Variants in BRD7 observed in about 807,000 individuals in gnomAD.
BRD7 encodes the protein bromodomain-containing protein 7.
Under a neutral mutation model 82.1 loss-of-function variants are expected in BRD7, and 15 were observed. The observed-to-expected ratio is 0.18, with a 90% CI of 0.12 to 0.28. The LOEUF is 0.28. Ranked by LOEUF, BRD7 falls within the 10% of genes least tolerant of loss-of-function variation. BRD7 has a pLI of 1.00. For missense variants in BRD7, 638 were observed against 779.9 expected (o/e 0.82, Z 2.17); for synonymous variants, 232 against 266.9 (o/e 0.87, Z 1.27).
intron 2 of BRD7, among the ~76,000 whole-genome samples, chr16:50,356,897 T>A (rs1474534628): frequency 6.6e-6 from 1 of 152,214 alleles, no homozygotes; most frequent in East Asian, 1.9e-4. Flanking sequence ...TTTATGCTCA[T>A]CAAAATCAAG....
rs377486324 is a variant in BRD7 at position 50,321,241 on chromosome 16, T to C, written c.1501-467A>G. Among the ~76,000 whole-genome samples the C allele has an allele frequency of 8.5e-5, 13 of 152,252 alleles. No homozygotes were observed. In the East Asian group the frequency reaches 2.3e-3, roughly 27 times the overall value. ...AGGCCTCCAAACTAGGCTGTCAGTA[T>C]TGCATGAGAGAAACAAAATCTTAAA... On this transcript the variant is annotated intron_variant, in intron 13 of 16. Transcript: ENST00000394688.
chr16:50,352,977 C>T (rs999118103), intron 4 of BRD7, among the ~76,000 whole-genome samples: 3 of 151,824 alleles, frequency 2.0e-5, no homozygotes, highest in East Asian at 3.9e-4. Flanking sequence ...TCACTCCTTT[C>T]GGACAAGTAG....
chr16:50,368,730 G>A lies in BRD7; in HGVS notation c.45C>T (p.Tyr15=), dbSNP rs1381675080. 5 of 1,556,684 alleles carry A rather than the reference G, an allele frequency of 3.2e-6. No homozygotes were observed. Among genetic ancestry groups the A allele is most frequent in the South Asian group, 1.1e-5 (1 of 87,008 alleles). Reference sequence around the variant, plus strand: ...GCACCCCGGCCCCCTCCTCACCCTCGTAGAGGTGTTTGTCCGACTTGTGCT... The same window carrying A: ...GCACCCCGGCCCCCTCCTCACCCTCATAGAGGTGTTTGTCCGACTTGTGCT... ...HKKHKSDKHL[Y]EEYVEKPLKL... The change falls in exon 1 of 17, where the codon TAC becomes TAT. Residue 15 remains tyrosine, a synonymous_variant. Coordinates refer to ENST00000394688, the MANE Select transcript of BRD7 (RefSeq NM_013263.5).
intron 12 of BRD7, 47 bp from the exon 13 acceptor site, chr16:50,322,085 G>A (rs7184802): frequency 0.21 from 294,595 of 1,433,396 alleles, 32,759 homozygotes; most frequent in East Asian, 0.35. Flanking sequence ...ACATGAAGGC[G>A]AATATCAAGG....
Position 50,319,137 on chromosome 16 carries a change from T to C in BRD7, c.*74A>G, listed in dbSNP as rs2151125679. ...AAAAACACAATTTACAAATATTTAA[T>C]ATCTTCTGAAAAGCATTTCTAAGTT... On this transcript the variant is annotated 3_prime_UTR_variant, in exon 17 of 17. Transcript: ENST00000394688. 1 of 1,308,108 alleles carries C rather than the reference T, an allele frequency of 7.6e-7. No individual in the cohort carries two copies. Among genetic ancestry groups the C allele is most frequent in the Non-Finnish European group, 1.1e-6 (1 of 934,808 alleles). The allele number at this position is 1,308,108 out of a possible 1,614,324, so 81.0% of individuals were successfully genotyped here. A position where few individuals can be genotyped will look rare whatever the true frequency, so the allele number is the denominator to read the frequency against.
In BRD7 at chr16:50,319,819, G is replaced by A. The variant is rs2037005578; in HGVS notation, c.1900+68C>T. On this transcript the variant is annotated intron_variant, in intron 16 of 16. Transcript: ENST00000394688. ...ATCCGAGGTCCTGATACCAATCTCG[G>A]GCAGACACTGAGGGATGACTATAGT... 11 of 1,544,486 alleles carry A rather than the reference G, an allele frequency of 7.1e-6. 1 individual carries two copies. In the South Asian group the frequency reaches 9.9e-5, roughly 14 times the overall value.
In BRD7 at chr16:50,350,419, C is replaced by G. The variant is rs569096775; in HGVS notation, c.447-252G>C. Reference sequence around the variant, plus strand: ...TTAAAATACACAGCCTCATTAACAGCTACACTTATACAGGAAAACATGAAG... The same window carrying G: ...TTAAAATACACAGCCTCATTAACAGGTACACTTATACAGGAAAACATGAAG... On this transcript the variant is annotated intron_variant, in intron 4 of 16. Coordinates refer to ENST00000394688, the MANE Select transcript of BRD7 (RefSeq NM_013263.5). 2.2e-4 allele frequency among the ~76,000 whole-genome samples: 34 copies of G among 152,288 alleles called. No individual in the cohort carries two copies. In the South Asian group the frequency reaches 7.0e-3, roughly 32 times the overall value.
intron 11 of BRD7, among the ~76,000 whole-genome samples, chr16:50,324,620 G>C (rs1324018464): frequency 1.3e-5 from 2 of 152,186 alleles, no homozygotes; most frequent in East Asian, 1.9e-4. Context: ...CGTTCTTTCA[G>C]GTAGCAGCCT....
At chr16:50,327,281 C>T (rs1267369743) in intron 9 of BRD7, among the ~76,000 whole-genome samples, 1 of 152,166 alleles carries the variant, frequency 6.6e-6, no homozygotes, top group Non-Finnish European at 1.5e-5. Context: ...GATTAGGTCT[C>T]AGAAACTGGA....
chr16:50,363,639 GTT>G (rs375525112), intron 2 of BRD7, among the ~76,000 whole-genome samples: 68 of 63,940 alleles, frequency 1.1e-3, no homozygotes, highest in African/African-American at 3.7e-3. Context: ...TACGTTGTGT[GTT>G]TGTGTGTGTG....
In BRD7 at chr16:50,368,207, G is replaced by A; in HGVS notation, c.141C>T (p.Ser47=). The A allele has an allele frequency of 1.9e-6, 3 of 1,614,206 alleles. No homozygotes were observed. The part of the protein sequence containing the change: ...LSTGSSGHDS[S]LFEDKNDHDK... Reference sequence around the variant, plus strand: ...CATGATCGTTTTTGTCTTCGAAGAGGCTGGAGTCGTGCCCCGAGCTGCCCG... The same window carrying A: ...CATGATCGTTTTTGTCTTCGAAGAGACTGGAGTCGTGCCCCGAGCTGCCCG... The change falls in exon 2 of 17, where the codon AGC becomes AGT. Residue 47 remains serine, a synonymous_variant. Coordinates refer to ENST00000394688, the MANE Select transcript of BRD7 (RefSeq NM_013263.5).
At chr16:50,343,626 G>A (rs1036581489) in intron 5 of BRD7, among the ~76,000 whole-genome samples, 1 of 152,328 alleles carries the variant, frequency 6.6e-6, no homozygotes. Context: ...CTTTTCCAAT[G>A]GTCTTTGCAA....
At chr16:50,348,902 C>G (rs1294209008) in intron 5 of BRD7, 1 of 152,226 alleles carries the variant, frequency 6.6e-6, no homozygotes, top group African/African-American at 2.4e-5. Context: ...AATCCCATTA[C>G]TGGGTATATA....
intron 8 of BRD7, among the ~76,000 whole-genome samples, chr16:50,328,985 C>T (rs576793645): frequency 8.5e-5 from 13 of 152,298 alleles, no homozygotes; most frequent in African/African-American, 2.9e-4. Context: ...TTTGTGCACC[C>T]GTCACATGAG....
intron 8 of BRD7, among the ~76,000 whole-genome samples, chr16:50,330,001 G>A (rs967193021): frequency 6.6e-6 from 1 of 152,110 alleles, no homozygotes. Flanking sequence ...GGACCTAAAG[G>A]AATTTCTGGC....
chr16:50,345,105 G>A (rs2151179227), intron 5 of BRD7, among the ~76,000 whole-genome samples: 1 of 152,294 alleles, frequency 6.6e-6, no homozygotes, highest in Admixed American at 6.5e-5. Flanking sequence ...GAGAGTGGGA[G>A]CCAATATTCA....
Position 50,354,460 on chromosome 16 carries a change from T to C in BRD7, c.411A>G (p.Gln137=), listed in dbSNP as rs2038655967. 1 of 1,612,288 alleles carries C rather than the reference T, an allele frequency of 6.2e-7. No individual in the cohort carries two copies. The highest frequency in any genetic ancestry group is 8.5e-7 in the Non-Finnish European group (1 of 1,179,366). Residue 137 remains glutamine (Q), a synonymous_variant, in exon 4 of 17, where the codon CAA becomes CAG. Coordinates refer to ENST00000394688, the MANE Select transcript of BRD7 (RefSeq NM_013263.5). Reference sequence around the variant, plus strand: ...GTCTCATCAGTTGATTCAAAGCTTCTTGAAGGGGTGTCTGTTCTACTTCTA... The same window carrying C: ...GTCTCATCAGTTGATTCAAAGCTTCCTGAAGGGGTGTCTGTTCTACTTCTA... ...KQEEVEQTPL[Q]EALNQLMRQL... is the part of the protein sequence containing the mutation.
rs1287708432 is a variant in BRD7, at chr16:50,335,311, G to C, written c.703-416C>G. Among the ~76,000 whole-genome samples, 4 of 152,210 alleles carry C rather than the reference G, an allele frequency of 2.6e-5. 1 individual carries two copies. The highest frequency in any genetic ancestry group is 2.0e-4 in the Admixed American group (3 of 15,290). ...AGCCTAGGGCATGTGAGCGTGTGAA[G>C]TCCCTCTCTGTTCTGGTAGCCCAGT... On this transcript the variant is annotated intron_variant, in intron 6 of 16. Coordinates refer to ENST00000394688, the MANE Select transcript of BRD7 (RefSeq NM_013263.5).
intron 16 of BRD7, 42 bp from the exon 17 acceptor site, chr16:50,319,308 C>CT: frequency 1.3e-6 from 2 of 1,589,186 alleles, no homozygotes; most frequent in Non-Finnish European, 1.7e-6. Context: ...TTGTTTTTAC[C>CT]TTTTAATTAA....
Sources: gnomAD v4.1 joint callset for allele counts (sites outside exome capture counted in the v4.1 genomes callset) on GRCh38, gnomAD v4.1.1 for gene constraint, MANE v1.5 for transcripts, NCBI Gene and HGNC (gene_info 2026-07-23, HGNC 2026-07-21) for gene names.